Variants in CRTC1 observed in about 807,000 individuals in gnomAD.
CRTC1 encodes the protein CREB-regulated transcription coactivator 1.
Under a neutral mutation model 66.1 loss-of-function variants are expected in CRTC1, and 18 were observed. The observed-to-expected ratio is 0.27, with a 90% CI of 0.19 to 0.40. The LOEUF is 0.40. Ranked by LOEUF, CRTC1 falls within the 10% of genes least tolerant of loss-of-function variation. CRTC1 has a pLI of 1.00. For synonymous variants in CRTC1, 416 were observed against 398.8 expected, an observed-to-expected ratio of 1.04 and a Z score of -0.51; for missense variants, 669 against 887.9, an observed-to-expected ratio of 0.75 and a Z score of 3.13.
intron 5 of CRTC1, among the ~76,000 whole-genome samples, 184 bp from the exon 6 acceptor site, chr19:18,753,316 T>C (rs960743152): frequency 6.7e-6 from 1 of 148,544 alleles, no homozygotes; most frequent in Non-Finnish European, 1.5e-5. Context: ...AATAAAGTTG[T>C]TGTTGTTTGT....
chr19:18,683,907 G>A, intron 1 of CRTC1, 79 bp downstream of exon 1: 1 of 154,022 alleles, frequency 6.5e-6, no homozygotes, highest in Non-Finnish European at 1.3e-5. Context: ...TGCACGGGGC[G>A]GGGTGGGGGG....
intron 6 of CRTC1, among the ~76,000 whole-genome samples, chr19:18,757,962 G>A (rs1325767821): frequency 1.3e-5 from 2 of 152,010 alleles, no homozygotes; most frequent in Non-Finnish European, 2.9e-5. Context: ...AGCTTGCAGT[G>A]AGCCGAGATC....
In CRTC1 at chr19:18,694,786, G is replaced by A. The variant is rs560940885; in HGVS notation, c.126+10958G>A. 2.0e-4 allele frequency among the ~76,000 whole-genome samples: 30 copies of A among 152,252 alleles called. 1 individual carries two copies. The South Asian group carries it at 5.8e-3, about 29-fold the overall frequency. On this transcript the variant is annotated intron_variant, in intron 1 of 13. Coordinates refer to ENST00000321949, the MANE Select transcript of CRTC1 (RefSeq NM_015321.3). Reference sequence around the variant, plus strand: ...GGCTGGCCTCTGGGACTCACACACAGTTTGAAACCCACTGACCTCAAGTGT... The same window carrying A: ...GGCTGGCCTCTGGGACTCACACACAATTTGAAACCCACTGACCTCAAGTGT...
intron 1 of CRTC1, among the ~76,000 whole-genome samples, chr19:18,710,123 C>T (rs1296876917): frequency 6.6e-6 from 1 of 151,826 alleles, no homozygotes; most frequent in Non-Finnish European, 1.5e-5. Flanking sequence ...GCCTGGAGTG[C>T]TCTTCCCAGC....
intron 3 of CRTC1, 58 bp downstream of exon 3, chr19:18,746,018 C>A: frequency 6.5e-7 from 1 of 1,549,772 alleles, no homozygotes; most frequent in Non-Finnish European, 8.7e-7. Context: ...GCCGGCAGGA[C>A]CCCAAGTTTA....
At chr19:18,763,056 A>G (rs2054650474) in intron 8 of CRTC1, among the ~76,000 whole-genome samples, 1 of 152,150 alleles carries the variant, frequency 6.6e-6, no homozygotes, top group Non-Finnish European at 1.5e-5. Context: ...AGGCTTAGAC[A>G]CACAAGTCCT....
Position 18,745,958 on chromosome 19 carries a change from C to A in CRTC1, c.379C>A (p.Gln127Lys). The A allele has an allele frequency of 6.2e-7, 1 of 1,607,200 alleles. No homozygotes were observed. The highest frequency in any genetic ancestry group is 8.5e-7 in the Non-Finnish European group (1 of 1,175,298). Reference sequence around the variant, plus strand: ...CCTGTCAGTGGACAAACACGGACGGCAGATATCCTTTTCACCAGAGGATGA... The same window carrying A: ...CCTGTCAGTGGACAAACACGGACGGAAGATATCCTTTTCACCAGAGGATGA... The part of the protein sequence containing the change: ...RPLSVDKHGR[Q>K]ADSCPYGTMY... The change falls in exon 3 of 14, where the codon CAG becomes AAG. Residue 127 changes from glutamine to lysine, a missense_variant and splice_region_variant. Physicochemically the swap from Gln to Lys is moderately conservative, Grantham distance 53. Coordinates refer to ENST00000321949, the MANE Select transcript of CRTC1 (RefSeq NM_015321.3).
chr19:18,747,593 A>G (rs1332473450), intron 4 of CRTC1, among the ~76,000 whole-genome samples: 1 of 152,132 alleles, frequency 6.6e-6, no homozygotes, highest in Non-Finnish European at 1.5e-5. Context: ...AGATCGAGCC[A>G]CTGCACTCCA....
chr19:18,734,566 C>T (rs1419483360), intron 1 of CRTC1, among the ~76,000 whole-genome samples: 2 of 151,842 alleles, frequency 1.3e-5, no homozygotes, highest in Non-Finnish European at 2.9e-5. Context: ...CACCACTACT[C>T]CCAGCTACTT....
intron 8 of CRTC1, among the ~76,000 whole-genome samples, chr19:18,763,979 T>TGGAC (rs1410115795): frequency 6.6e-6 from 1 of 152,176 alleles, no homozygotes; most frequent in Non-Finnish European, 1.5e-5. Flanking sequence ...GATGCCTCCC[T>TGGAC]GGACGCCAGG....
rs866493904 is a variant in CRTC1 at position 18,686,989 on chromosome 19, C to T, written c.126+3161C>T. Among the ~76,000 whole-genome samples, 10 of 143,992 alleles carry T rather than the reference C, an allele frequency of 6.9e-5. No individual in the cohort carries two copies. In the East Asian group the frequency reaches 8.4e-4, roughly 12 times the overall value. 94.5% of individuals were successfully genotyped at this position (143,992 alleles called of 152,430 possible). A position where few individuals can be genotyped will look rare whatever the true frequency, so the allele number is the denominator to read the frequency against. On this transcript the variant is annotated intron_variant, in intron 1 of 13. Transcript: ENST00000321949. ...TGTGGAATAATCTGGCCCCAGATGTCGGCAGTGCCAAGACTGAGAAACTTT... is the reference window on the plus strand; with the variant it reads ...TGTGGAATAATCTGGCCCCAGATGTTGGCAGTGCCAAGACTGAGAAACTTT...
At chr19:18,758,360 TAAAA>T (rs920751999) in intron 6 of CRTC1, among the ~76,000 whole-genome samples, 2 of 108,306 alleles carry the variant, frequency 1.8e-5, no homozygotes, top group South Asian at 2.8e-4. Flanking sequence ...ACTCCGTCTC[TAAAA>T]AAAAAAAAAA....
chr19:18,777,418 G>T lies in CRTC1; in HGVS notation c.*36G>T. The T allele has an allele frequency of 1.9e-6, 3 of 1,576,130 alleles. No individual in the cohort carries two copies. Among genetic ancestry groups the T allele is most frequent in the Non-Finnish European group, 2.6e-6 (3 of 1,159,372 alleles). On this transcript the variant is annotated 3_prime_UTR_variant, in exon 14 of 14. Coordinates refer to ENST00000321949, the MANE Select transcript of CRTC1 (RefSeq NM_015321.3). This position sits in a 1 kb window ranked among gnomAD's most constrained non-coding sequence, Gnocchi z 5.5. The stretch of plus-strand genomic sequence containing the variant: ...CGGCACCCTGCCGCTCAGCCGTCCC[G>T]ACGGCGCCTCCCCAGCCCGGGGACG...
chr19:18,739,742 G>T (rs1325432550), intron 1 of CRTC1, among the ~76,000 whole-genome samples: 1 of 152,178 alleles, frequency 6.6e-6, no homozygotes, highest in Non-Finnish European at 1.5e-5. Context: ...AGAGGTCTGT[G>T]GGGGCAGAGC....
intron 6 of CRTC1, among the ~76,000 whole-genome samples, chr19:18,754,900 T>C (rs1464534793): frequency 6.6e-6 from 1 of 152,196 alleles, no homozygotes; most frequent in African/African-American, 2.4e-5. Flanking sequence ...TGGGTGGTGC[T>C]GTCAGCCCTT....
intron 1 of CRTC1, among the ~76,000 whole-genome samples, chr19:18,708,722 C>T (rs2053321266): frequency 6.6e-6 from 1 of 152,196 alleles, no homozygotes; most frequent in African/African-American, 2.4e-5. Context: ...GGTCAGGGCT[C>T]CTGTGGGGCC....
At chr19:18,725,283 G>A (rs753673943) in intron 1 of CRTC1, among the ~76,000 whole-genome samples, 27 of 152,104 alleles carry the variant, frequency 1.8e-4, no homozygotes, top group East Asian at 3.9e-4. Context: ...CCCCCAGCTC[G>A]GGCCTGAGGC....
intron 1 of CRTC1, among the ~76,000 whole-genome samples, chr19:18,711,004 CCAGGG>C (rs2053379173): frequency 6.6e-6 from 1 of 152,220 alleles, no homozygotes; most frequent in Admixed American, 6.5e-5. Flanking sequence ...TGCCCCCTCC[CCAGGG>C]CTTTGTAGGC....
At chr19:18,753,200 C>T (rs1469157561) in intron 5 of CRTC1, among the ~76,000 whole-genome samples, 4 of 151,838 alleles carry the variant, frequency 2.6e-5, no homozygotes, top group Non-Finnish European at 5.9e-5. Context: ...GGCGTGAACC[C>T]GGGAGGTGGA....
Sources: gnomAD v4.1 joint callset for allele counts (sites outside exome capture counted in the v4.1 genomes callset) on GRCh38, gnomAD v4.1.1 for gene constraint, Gnocchi (gnomAD v3.1) non-coding constraint, MANE v1.5 for transcripts, NCBI Gene and HGNC (gene_info 2026-07-23, HGNC 2026-07-21) for gene names.